IL17RD: variants seen among roughly 807,000 people sequenced by gnomAD.
The protein encoded by IL17RD is interleukin 17 receptor D.
A neutral mutation model predicts 80.5 loss-of-function variants in IL17RD; 52 were observed. That is an observed-to-expected ratio of 0.65 (90% confidence interval 0.52 to 0.81). The LOEUF (loss-of-function observed/expected upper bound fraction) is 0.81, where lower values mean the gene tolerates loss of function less well. Among genes scored for constraint, IL17RD ranks in the 40% least tolerant of loss-of-function variants. The pLI is 0.00. For missense variants in IL17RD, 1,024 were observed against 955.1 expected (o/e 1.07, Z -0.95); for synonymous variants, 416 against 391.8 (o/e 1.06, Z -0.73).
intron 7 of IL17RD, 76 bp downstream of exon 7, chr3:57,105,781 G>T: frequency 1.5e-6 from 2 of 1,317,986 alleles, no homozygotes; most frequent in South Asian, 1.4e-5. Context: ...TGCTCACATT[G>T]AGCAACCCAA....
chr3:57,103,144 A>G lies in IL17RD; in HGVS notation c.815T>C (p.Leu272Pro), dbSNP rs762406406. 1.6e-5 allele frequency: 26 copies of G among 1,602,114 alleles called. No homozygotes were observed. Among genetic ancestry groups the G allele is most frequent in the Non-Finnish European group, 2.2e-5 (26 of 1,173,726 alleles). ...NVSPGDYIIE[L>P]VDDTNTTRKV... is the part of the protein sequence containing the mutation. ...TCTTGTTGTGTTAGTGTCATCCACC[A>G]GCTGCAAAACAGAGGATGCTGCATT... Residue 272 changes from leucine (L) to proline (P), a missense_variant and splice_region_variant, in exon 9 of 13, where the codon CTG becomes CCG. Leu to Pro is a moderately conservative substitution (Grantham distance 98, BLOSUM62 -3). Coordinates refer to ENST00000296318, the MANE Select transcript of IL17RD (RefSeq NM_017563.5).
chr3:57,157,826 T>C (rs949783646), intron 1 of IL17RD, among the ~76,000 whole-genome samples: 1 of 152,150 alleles, frequency 6.6e-6, no homozygotes, highest in Non-Finnish European at 1.5e-5. Context: ...AGCCCTCCCT[T>C]TATCCCATTA....
chr3:57,147,766 G>A (rs1036349035), intron 1 of IL17RD, among the ~76,000 whole-genome samples: 1 of 149,766 alleles, frequency 6.7e-6, no homozygotes, highest in Non-Finnish European at 1.5e-5. Flanking sequence ...AATATCTTTG[G>A]AAAACAAACA....
intron 7 of IL17RD, among the ~76,000 whole-genome samples, chr3:57,105,552 A>AAAAAAAATATAT: frequency 3.1e-5 from 2 of 63,590 alleles, no homozygotes; most frequent in South Asian, 6.2e-4. Flanking sequence ...AAAAAAAAAA[A>AAAAAAAATATAT]ATATATATAT....
At chr3:57,140,093 T>C (rs1397512793) in intron 1 of IL17RD, among the ~76,000 whole-genome samples, 2 of 152,200 alleles carry the variant, frequency 1.3e-5, no homozygotes, top group African/African-American at 2.4e-5. Context: ...GCCGGGCACC[T>C]TAGAGGCAAG....
In IL17RD at chr3:57,105,922, G is replaced by T. The variant is rs767914195; in HGVS notation, c.682C>A (p.Arg228Ser). ...AGCTTGTAGTGAAGATAGAAGAAAC[G>T]GAAGCCGAAGTTGTGCGGTGCATGG... ...FDHAPHNFGF[R>S]FFYLHYKLKH... Residue 228 changes from arginine (R) to serine (S), a missense_variant, in exon 7 of 13, where the codon CGT becomes AGT. Arg to Ser is a moderately radical substitution (Grantham distance 110). Transcript: ENST00000296318. 6.2e-7 allele frequency: 1 copy of T among 1,613,886 alleles called. No homozygotes were observed. Among genetic ancestry groups the T allele is most frequent in the African/African-American group, 1.3e-5 (1 of 75,004 alleles).
At chr3:57,119,376 A>T (rs1030023499) in intron 2 of IL17RD, among the ~76,000 whole-genome samples, 1 of 151,488 alleles carries the variant, frequency 6.6e-6, no homozygotes, top group African/African-American at 2.4e-5. Context: ...CAAAAACAAA[A>T]AACAAAACTA....
chr3:57,106,026 C>T lies in IL17RD; in HGVS notation c.596-18G>A. 6.2e-7 allele frequency: 1 copy of T among 1,613,476 alleles called. No homozygotes were observed. Among genetic ancestry groups the T allele is most frequent in the African/African-American group, 1.3e-5 (1 of 74,976 alleles). On this transcript the variant is annotated intron_variant, in intron 6 of 12. Coordinates refer to ENST00000296318, the MANE Select transcript of IL17RD (RefSeq NM_017563.5). ...CTTCCAGACTGGAAGAAGGTAGGAC[C>T]CAGAGTGAGCAACCAGAGGCTACCC...
rs559640119 is a variant in IL17RD, at chr3:57,109,408, G to A, written c.550+129C>T. 150 of 933,226 alleles carry A rather than the reference G, an allele frequency of 1.6e-4. No homozygotes were observed. The African/African-American group carries it at 2.2e-3, about 14-fold the overall frequency. 57.8% of individuals were successfully genotyped at this position (933,226 alleles called of 1,614,324 possible). A position where few individuals can be genotyped will look rare whatever the true frequency, so the allele number is the denominator to read the frequency against. ...GATCTGCCTGCCTCGGCCTCCCAAA[G>A]TGCTGGGATTAGAGGTGTGAGCCAC... On this transcript the variant is annotated intron_variant, in intron 5 of 12. Coordinates refer to ENST00000296318, the MANE Select transcript of IL17RD (RefSeq NM_017563.5).
intron 2 of IL17RD, among the ~76,000 whole-genome samples, chr3:57,115,444 T>C (rs948094759): frequency 2.0e-5 from 3 of 152,072 alleles, no homozygotes; most frequent in African/African-American, 7.2e-5. Flanking sequence ...CCCCAGTAAA[T>C]CCAAGGCACC....
At chr3:57,165,117 C>A in intron 1 of IL17RD, 44 bp downstream of exon 1, 1 of 1,480,930 alleles carries the variant, frequency 6.8e-7, no homozygotes, top group South Asian at 1.3e-5. Flanking sequence ...CGCTGCGTCC[C>A]CCGCGAGTTG....
Position 57,097,531 on chromosome 3 carries a change from G to T in IL17RD, c.2107+65C>A. 3 of 1,306,210 alleles carry T rather than the reference G, an allele frequency of 2.3e-6. No homozygotes were observed. In the South Asian group the frequency reaches 3.9e-5, roughly 17 times the overall value. The allele number at this position is 1,306,210 out of a possible 1,614,324, so 80.9% of individuals were successfully genotyped here. The stretch of plus-strand genomic sequence containing the variant: ...GGCACCAAAAGTGGAAAAACGCTTT[G>T]ACTGATTTCAGAAGCATGGTCAAAG... On this transcript the variant is annotated intron_variant, in intron 12 of 12. Coordinates refer to ENST00000296318, the MANE Select transcript of IL17RD (RefSeq NM_017563.5).
At chr3:57,125,499 C>G (rs1382187783) in intron 1 of IL17RD, among the ~76,000 whole-genome samples, 1 of 152,184 alleles carries the variant, frequency 6.6e-6, no homozygotes, top group Non-Finnish European at 1.5e-5. Flanking sequence ...ATCTGACACA[C>G]AATAACCTCA....
At chr3:57,128,698 G>A (rs1707546269) in intron 1 of IL17RD, among the ~76,000 whole-genome samples, 1 of 152,010 alleles carries the variant, frequency 6.6e-6, no homozygotes, top group South Asian at 2.1e-4. Context: ...ATTTTTTAAT[G>A]TTCTTCCCCA....
At chr3:57,140,962 T>C (rs1707817335) in intron 1 of IL17RD, among the ~76,000 whole-genome samples, 1 of 151,954 alleles carries the variant, frequency 6.6e-6, no homozygotes, top group Non-Finnish European at 1.5e-5. Context: ...GGTACAATCA[T>C]GGCTCACTGC....
In IL17RD at chr3:57,127,242, AT is replaced by A. The variant is rs1302641508; in HGVS notation, c.127-6930del. Among the ~76,000 whole-genome samples, 184 of 103,462 alleles carry A rather than the reference AT, an allele frequency of 1.8e-3. 6 individuals carry two copies. Among genetic ancestry groups the A allele is most frequent in the African/African-American group, 7.5e-3 (156 of 20,790 alleles). The allele number at this position is 103,462 out of a possible 152,430, so 67.9% of individuals were successfully genotyped here. ...TATAAATATATATAAAAATATATAA[AT>A]ATATATATAAATATATATAAATATA... On this transcript the variant is annotated intron_variant, in intron 1 of 12. Coordinates refer to ENST00000296318, the MANE Select transcript of IL17RD (RefSeq NM_017563.5).
chr3:57,146,044 C>T (rs1223193372), intron 1 of IL17RD, among the ~76,000 whole-genome samples: 1 of 148,422 alleles, frequency 6.7e-6, no homozygotes, highest in African/African-American at 2.4e-5. Context: ...CGCGCGCGCG[C>T]GCACACACAC....
rs1706736550 is a variant in IL17RD, at chr3:57,098,177, G to A, written c.1526C>T (p.Ser509Phe). 2 of 1,613,820 alleles carry A rather than the reference G, an allele frequency of 1.2e-6. No homozygotes were observed. The highest frequency in any genetic ancestry group is 2.2e-5 in the East Asian group (1 of 44,896). Residue 509 changes from serine to phenylalanine, a missense_variant, in exon 12 of 13, where the codon TCC (serine) becomes TTC (phenylalanine). By Grantham distance (155) the Ser-to-Phe change is radical. Coordinates refer to ENST00000296318, the MANE Select transcript of IL17RD (RefSeq NM_017563.5). The stretch of plus-strand genomic sequence containing the variant: ...GCCGTGGTCTCGGGAGTGCAAGTGG[G>A]AACAGAGCTGAGGAAGATTGTCCAT... ...RLMDNLPQLC[S>F]HLHSRDHGLQ...
chr3:57,107,379 G>GAAA (rs759476261), intron 5 of IL17RD, among the ~76,000 whole-genome samples: 18 of 72,302 alleles, frequency 2.5e-4, no homozygotes, highest in Admixed American at 4.5e-4. Context: ...ACTCCATCTC[G>GAAA]AAAAAAAAAA....
Sources: gnomAD v4.1 joint callset for allele counts (sites outside exome capture counted in the v4.1 genomes callset) on GRCh38, gnomAD v4.1.1 for gene constraint, MANE v1.5 for transcripts, NCBI Gene and HGNC (gene_info 2026-07-23, HGNC 2026-07-21) for gene names.